Variants in ELL observed in about 807,000 individuals in gnomAD.
ELL encodes elongation factor for RNA polymerase II.
A neutral mutation model predicts 64.0 loss-of-function variants in ELL; 18 were observed. The observed-to-expected ratio is 0.28, with a 90% confidence interval of 0.19 to 0.42. ELL has a LOEUF of 0.42. Ranked by LOEUF, ELL falls within the 10% of genes least tolerant of loss-of-function variation. The pLI is 1.00. For synonymous variants in ELL, 399 were observed against 376.2 expected, an observed-to-expected ratio of 1.06 and a Z score of -0.70; for missense variants, 797 against 870.4, an observed-to-expected ratio of 0.92 and a Z score of 1.06.
At chr19:18,508,285 G>C (rs1320623218) in intron 1 of ELL, among the ~76,000 whole-genome samples, 2 of 152,092 alleles carry the variant, frequency 1.3e-5, no homozygotes, top group Non-Finnish European at 2.9e-5. Flanking sequence ...CTCCAGCCTG[G>C]ACAGCACAGC....
chr19:18,464,492 C>A (rs1974895583), intron 4 of ELL, among the ~76,000 whole-genome samples: 1 of 51,744 alleles, frequency 1.9e-5, no homozygotes, highest in Non-Finnish European at 3.4e-5. Flanking sequence ...CCTGGCCATA[C>A]AACATGTCCA....
intron 10 of ELL, among the ~76,000 whole-genome samples, chr19:18,445,661 A>G (rs1302025671): frequency 6.6e-6 from 1 of 152,134 alleles, no homozygotes; most frequent in Admixed American, 6.5e-5. Context: ...TTTGGAAGGC[A>G]AAGGGGCCTT....
chr19:18,456,267 CCCA>C (rs1600435887), intron 6 of ELL, among the ~76,000 whole-genome samples: 1 of 152,214 alleles, frequency 6.6e-6, no homozygotes, highest in Non-Finnish European at 1.5e-5. Context: ...GGCCGTGGTG[CCCA>C]CCATCCCAGA....
At chr19:18,461,547 G>A (rs1465409011) in intron 5 of ELL, 31 bp downstream of exon 5, 2 of 1,570,920 alleles carry the variant, frequency 1.3e-6, no homozygotes, top group African/African-American at 2.7e-5. Context: ...GGAGACCACT[G>A]GTAAAGACAA....
In ELL at chr19:18,462,177, G is replaced by A. The variant is rs533702238; in HGVS notation, c.470-325C>T. Among the ~76,000 whole-genome samples, 4 of 136,578 alleles carry A rather than the reference G, an allele frequency of 2.9e-5. No homozygotes were observed. The South Asian group carries it at 9.2e-4, about 32-fold the overall frequency. The allele number at this position is 136,578 out of a possible 152,430, so 89.6% of individuals were successfully genotyped here. ...CACCTGATCACTCTCACTCTGGTGG[G>A]CAGTGTGTGTGTGTGTGTGTGTGTG... On this transcript the variant is annotated intron_variant, in intron 4 of 11. Coordinates refer to ENST00000262809, the MANE Select transcript of ELL (RefSeq NM_006532.4).
At chr19:18,508,157 T>A (rs539842237) in intron 1 of ELL, among the ~76,000 whole-genome samples, 1 of 152,150 alleles carries the variant, frequency 6.6e-6, no homozygotes, top group East Asian at 1.9e-4. Context: ...GAGATCAAAA[T>A]AGGAGTCACA....
intron 1 of ELL, among the ~76,000 whole-genome samples, chr19:18,493,776 C>A (rs905560936): frequency 2.0e-5 from 3 of 152,250 alleles, no homozygotes; most frequent in African/African-American, 7.2e-5. Flanking sequence ...CCACCAGCAA[C>A]CCCATCCCTT....
At position 18,458,101 on chromosome 19, in the gene ELL, C is replaced by T. The variant is rs551146543; in HGVS notation, c.869+104G>A. On this transcript the variant is annotated intron_variant, in intron 6 of 11. Coordinates refer to ENST00000262809, the MANE Select transcript of ELL (RefSeq NM_006532.4). ...GACCCTTCCATCCTGCTCCCAAGCC[C>T]TGTGGCCTTCAGGACCACACAAGAC... The T allele has an allele frequency of 1.4e-3, 2,103 of 1,546,428 alleles. 3 individuals are homozygous for T. The highest frequency in any genetic ancestry group is 1.8e-3 in the Non-Finnish European group (2,034 of 1,150,394).
intron 6 of ELL, among the ~76,000 whole-genome samples, chr19:18,454,385 G>A (rs894744038): frequency 2.6e-5 from 4 of 152,192 alleles, no homozygotes; most frequent in African/African-American, 4.8e-5. Flanking sequence ...TGTAGTCCCA[G>A]CTACTCGCGA....
chr19:18,467,684 C>T (rs1974971951), intron 2 of ELL, among the ~76,000 whole-genome samples: 1 of 124,576 alleles, frequency 8.0e-6, no homozygotes, highest in African/African-American at 3.2e-5. Context: ...AACACAACCC[C>T]TCCACACACA....
At chr19:18,451,432 G>C (rs1246305591) in intron 7 of ELL, 120 bp downstream of exon 7, 9 of 963,398 alleles carry the variant, frequency 9.3e-6, no homozygotes, top group Non-Finnish European at 1.3e-5. Context: ...GAGGGAGGCG[G>C]CTCAACTTGG....
At chr19:18,458,943 C>CAGTG (rs147587305) in intron 5 of ELL, among the ~76,000 whole-genome samples, 3,141 of 151,896 alleles carry the variant, frequency 0.021, 279 homozygotes, top group Admixed American at 0.16. Context: ...GGCTGGAGTG[C>CAGTG]AGTGGTGTGA....
intron 5 of ELL, among the ~76,000 whole-genome samples, chr19:18,458,799 A>AT (rs1974739451): frequency 6.6e-6 from 1 of 151,768 alleles, no homozygotes; most frequent in Non-Finnish European, 1.5e-5. Flanking sequence ...TACTCCAGCT[A>AT]ATTTTTTTTA....
intron 1 of ELL, among the ~76,000 whole-genome samples, chr19:18,502,061 C>G (rs1282684220): frequency 6.6e-6 from 1 of 152,132 alleles, no homozygotes; most frequent in East Asian, 1.9e-4. Flanking sequence ...ATGAGCAGCA[C>G]CTGGCATGGG....
chr19:18,461,981 G>A, intron 4 of ELL, 129 bp from the exon 5 acceptor site: 2 of 1,226,322 alleles, frequency 1.6e-6, no homozygotes, highest in Non-Finnish European at 2.2e-6. Context: ...ACCAACCACA[G>A]CAAAAGCCAG....
intron 3 of ELL, 82 bp from the exon 4 acceptor site, chr19:18,465,657 C>A: frequency 6.8e-7 from 1 of 1,480,270 alleles, no homozygotes. Context: ...CCCCAGCCCA[C>A]CACCTGGCCT....
intron 10 of ELL, 84 bp downstream of exon 10, chr19:18,446,225 A>AGGCCACTAG: frequency 7.1e-7 from 1 of 1,413,740 alleles, no homozygotes; most frequent in Non-Finnish European, 9.3e-7. Flanking sequence ...GGGGCCACCA[A>AGGCCACTAG]GCTCGTGGTG....
chr19:18,465,540 A>G lies in ELL; in HGVS notation c.341T>C (p.Ile114Thr). Reference sequence around the variant, plus strand: ...GGCACACACCGTGATCTTGTCCTGTATGCTGCCCAGGCAGTCCAGGTGAAC... The same window carrying G: ...GGCACACACCGTGATCTTGTCCTGTGTGCTGCCCAGGCAGTCCAGGTGAAC... ...GEVHLDCLGSIQDKITVCATD... is the reference protein window; with the variant it reads ...GEVHLDCLGSTQDKITVCATD... The change falls in exon 4 of 12, where the codon ATA becomes ACA. Residue 114 changes from isoleucine (I) to threonine (T), a missense_variant. By Grantham distance (89) the Ile-to-Thr change is moderately conservative (BLOSUM62 -1). Transcript: ENST00000262809. 6.2e-7 allele frequency: 1 copy of G among 1,607,630 alleles called. No homozygotes were observed. The highest frequency in any genetic ancestry group is 2.2e-5 in the East Asian group (1 of 44,596).
chr19:18,479,907 A>C (rs1236904841), intron 1 of ELL, among the ~76,000 whole-genome samples: 1 of 151,980 alleles, frequency 6.6e-6, no homozygotes, highest in Admixed American at 6.6e-5. Flanking sequence ...CCCCAAAGAC[A>C]CATGATCCTT....
Sources: gnomAD v4.1 joint callset for allele counts (sites outside exome capture counted in the v4.1 genomes callset) on GRCh38, gnomAD v4.1.1 for gene constraint, MANE v1.5 for transcripts, NCBI Gene and HGNC (gene_info 2026-07-23, HGNC 2026-07-21) for gene names.